Variants in FBXL17 observed in about 807,000 individuals in gnomAD.
The protein encoded by FBXL17 is F-box/LRR-repeat protein 17.
A neutral mutation model predicts 66.2 loss-of-function variants in FBXL17; 22 were observed. The observed-to-expected ratio is 0.33, with a 90% CI of 0.24 to 0.47. The LOEUF (loss-of-function observed/expected upper bound fraction) is 0.47. Among genes scored for constraint, FBXL17 ranks in the 20% least tolerant of loss-of-function variants. The probability of loss-of-function intolerance (pLI) is 1.00; values close to 1 mark genes in which losing one functional copy is unlikely to be tolerated. For missense variants in FBXL17, 878 were observed against 948.2 expected, an observed-to-expected ratio of 0.93 and a Z score of 0.97; for synonymous variants, 474 against 400.5, an observed-to-expected ratio of 1.18 and a Z score of -2.19.
chr5:107,878,836 A>G, intron 8 of FBXL17: 1 of 985,516 alleles, frequency 1.0e-6, no homozygotes. Flanking sequence ...TGAGGAAGCC[A>G]GACAGCAAGG....
intron 4 of FBXL17, among the ~76,000 whole-genome samples, chr5:108,259,861 G>T (rs7726195): frequency 0.065 from 9,922 of 151,984 alleles, 1,091 homozygotes; most frequent in African/African-American, 0.23. Flanking sequence ...TGGCACTAAC[G>T]GTTTTTAAAA....
intron 7 of FBXL17, among the ~76,000 whole-genome samples, chr5:108,008,860 T>C (rs1028996303): frequency 5.9e-5 from 9 of 151,942 alleles, no homozygotes; most frequent in African/African-American, 2.2e-4. Flanking sequence ...TTGGATCCTA[T>C]TAGGATTTTA....
intron 4 of FBXL17, among the ~76,000 whole-genome samples, chr5:108,239,484 C>T (rs1290853617): frequency 3.9e-5 from 6 of 152,194 alleles, no homozygotes; most frequent in Admixed American, 2.0e-4. Context: ...GGCAGAACTA[C>T]GCTGGCGCCT....
chr5:107,865,094 C>T (rs572547079), intron 8 of FBXL17, among the ~76,000 whole-genome samples: 1 of 152,218 alleles, frequency 6.6e-6, no homozygotes, highest in Non-Finnish European at 1.5e-5. Flanking sequence ...GAAGTACTAA[C>T]TAAAAATAAA....
intron 7 of FBXL17, among the ~76,000 whole-genome samples, chr5:107,930,507 A>G (rs942016866): frequency 1.3e-5 from 2 of 152,174 alleles, no homozygotes; most frequent in African/African-American, 2.4e-5. Context: ...GCACTATTTT[A>G]TTACTTGATT....
At chr5:108,141,159 T>A (rs1751334075) in intron 6 of FBXL17, among the ~76,000 whole-genome samples, 1 of 152,212 alleles carries the variant, frequency 6.6e-6, no homozygotes, top group South Asian at 2.1e-4. Context: ...ATGGTGTTCC[T>A]TCTACAGCCT....
intron 6 of FBXL17, among the ~76,000 whole-genome samples, chr5:108,088,750 T>C (rs1749074905): frequency 7.5e-6 from 1 of 133,826 alleles, no homozygotes; most frequent in Non-Finnish European, 1.6e-5. Context: ...GATACCTGTA[T>C]ATCTTGGTCC....
Position 108,154,451 on chromosome 5 carries a change from G to A in FBXL17, c.1745+31666C>T, listed in dbSNP as rs533565635. ...ACTAAAAACACAAAATTAGCTGGGCGTGGTGGTGTATGCCTGTAATCCCAG... is the reference window on the plus strand; with the variant it reads ...ACTAAAAACACAAAATTAGCTGGGCATGGTGGTGTATGCCTGTAATCCCAG... On this transcript the variant is annotated intron_variant, in intron 6 of 8. Coordinates refer to ENST00000542267, the MANE Select transcript of FBXL17 (RefSeq NM_001163315.3). Among the ~76,000 whole-genome samples, 10 of 151,050 alleles carry A rather than the reference G, an allele frequency of 6.6e-5. No homozygotes were observed. In the South Asian group the frequency reaches 1.9e-3, roughly 28 times the overall value.
At chr5:107,978,255 G>C (rs1752662740) in intron 7 of FBXL17, among the ~76,000 whole-genome samples, 1 of 152,094 alleles carries the variant, frequency 6.6e-6, no homozygotes, top group Admixed American at 6.5e-5. Flanking sequence ...TGTAGGCTAA[G>C]CTAATAATGG....
At chr5:108,078,537 T>G (rs973190841) in intron 6 of FBXL17, among the ~76,000 whole-genome samples, 1 of 152,234 alleles carries the variant, frequency 6.6e-6, no homozygotes, top group Non-Finnish European at 1.5e-5. Context: ...GAATCTACAT[T>G]GATGCCAGCG....
chr5:107,962,576 G>A (rs1257948958), intron 7 of FBXL17, among the ~76,000 whole-genome samples: 1 of 151,894 alleles, frequency 6.6e-6, no homozygotes, highest in African/African-American at 2.4e-5. Flanking sequence ...CATGCCAAGG[G>A]AAATTTTTAA....
At position 108,004,635 on chromosome 5, in the gene FBXL17, T is replaced by C. The variant is rs540221366; in HGVS notation, c.1822+16290A>G. ...CCTGGGATCGAGGACAGCTTAGTTC[T>C]GGTTCTAGAGCTGGGAAAAACCAGG... On this transcript the variant is annotated intron_variant, in intron 7 of 8. Coordinates refer to ENST00000542267, the MANE Select transcript of FBXL17 (RefSeq NM_001163315.3). 2.6e-4 allele frequency among the ~76,000 whole-genome samples: 39 copies of C among 152,164 alleles called. 1 individual carries two copies. Among genetic ancestry groups the C allele is most frequent in the Non-Finnish European group, 4.3e-4 (29 of 68,020 alleles).
At chr5:108,126,684 TACACAC>T (rs3040021) in intron 6 of FBXL17, among the ~76,000 whole-genome samples, 2 of 135,542 alleles carry the variant, frequency 1.5e-5, no homozygotes, top group Admixed American at 7.7e-5. Flanking sequence ...TATATATATA[TACACAC>T]ATACATAACA....
At chr5:107,903,481 A>G (rs1319386308) in intron 7 of FBXL17, among the ~76,000 whole-genome samples, 5 of 152,200 alleles carry the variant, frequency 3.3e-5, no homozygotes, top group Admixed American at 3.3e-4. Flanking sequence ...GTTCAAGTTA[A>G]TAAGTAATAT....
At chr5:108,329,793 T>C (rs1760033753) in intron 4 of FBXL17, among the ~76,000 whole-genome samples, 1 of 152,110 alleles carries the variant, frequency 6.6e-6, no homozygotes, top group African/African-American at 2.4e-5. Context: ...GACATCCCTT[T>C]CAAATTCTTA....
chr5:108,003,646 G>A (rs1201548358), intron 7 of FBXL17, among the ~76,000 whole-genome samples: 2 of 152,114 alleles, frequency 1.3e-5, no homozygotes, highest in Non-Finnish European at 2.9e-5. Context: ...AGACAAAGCA[G>A]ATTTATGAAA....
chr5:107,903,102 T>G (rs929369043), intron 7 of FBXL17, among the ~76,000 whole-genome samples: 1 of 152,186 alleles, frequency 6.6e-6, no homozygotes, highest in Non-Finnish European at 1.5e-5. Flanking sequence ...GTAACCTGAC[T>G]TGTAATCTAA....
At chr5:108,181,036 T>A (rs975454483) in intron 6 of FBXL17, among the ~76,000 whole-genome samples, 4 of 152,190 alleles carry the variant, frequency 2.6e-5, no homozygotes, top group African/African-American at 9.6e-5. Flanking sequence ...AATTAGATTT[T>A]ATTTAATTCT....
chr5:108,200,898 G>T (rs1753866823), intron 5 of FBXL17, among the ~76,000 whole-genome samples: 1 of 152,068 alleles, frequency 6.6e-6, no homozygotes, highest in East Asian at 1.9e-4. Flanking sequence ...TACTCTATTG[G>T]ACTCTATTAC....
Sources: gnomAD v4.1 joint callset for allele counts (sites outside exome capture counted in the v4.1 genomes callset) on GRCh38, gnomAD v4.1.1 for gene constraint, MANE v1.5 for transcripts, NCBI Gene and HGNC (gene_info 2026-07-23, HGNC 2026-07-21) for gene names.